ATP10A: variants seen among roughly 807,000 people sequenced by gnomAD.
The protein encoded by ATP10A is phospholipid-transporting ATPase VA.
In ATP10A, 111 loss-of-function variants were observed where a neutral mutation model predicts 147.8. That is an observed-to-expected ratio of 0.75 (90% confidence interval 0.64 to 0.88). The LOEUF (loss-of-function observed/expected upper bound fraction) is 0.88. ATP10A is among the 40% of genes least tolerant of loss of function. The probability of loss-of-function intolerance (pLI) is 0.00; values close to 1 mark genes in which losing one functional copy is unlikely to be tolerated. For missense variants in ATP10A, 1,927 were observed against 1,959.0 expected (o/e 0.98, Z 0.31); for synonymous variants, 875 against 841.6 (o/e 1.04, Z -0.69).
intron 1 of ATP10A, among the ~76,000 whole-genome samples, chr15:25,843,481 A>G (rs1243261140): frequency 1.3e-5 from 2 of 152,100 alleles, no homozygotes; most frequent in Non-Finnish European, 2.9e-5. Context: ...TTCCCAAACC[A>G]GAGCCCAGAC....
chr15:25,745,811 C>T (rs1179487826), intron 2 of ATP10A, among the ~76,000 whole-genome samples: 1 of 152,110 alleles, frequency 6.6e-6, no homozygotes, highest in Non-Finnish European at 1.5e-5. Context: ...GAATACAAAT[C>T]AATTAATGTT....
chr15:25,727,272 G>A lies in ATP10A; in HGVS notation c.741-6C>T. ...TTTTCCCGTTGTCATGTATGCTGTA[G>A]AGGGACAGTTGGCACATGTCACGTG... On this transcript the variant is annotated splice_region_variant and splice_polypyrimidine_tract_variant and intron_variant, in intron 3 of 20. Transcript: ENST00000555815. 6.2e-7 allele frequency: 1 copy of A among 1,610,810 alleles called. No homozygotes were observed. Among genetic ancestry groups the A allele is most frequent in the Non-Finnish European group, 8.5e-7 (1 of 1,177,046 alleles).
At position 25,805,023 on chromosome 15, in the gene ATP10A, G is replaced by A. The variant is rs375885481; in HGVS notation, c.450-23800C>T. On this transcript the variant is annotated intron_variant, in intron 1 of 20. Coordinates refer to ENST00000555815, the MANE Select transcript of ATP10A (RefSeq NM_024490.4). ...AAGGAAAAATTCTTTTGAAATAAAA[G>A]GCGCATTGCCAGAATGGGACCTGTG... Among the ~76,000 whole-genome samples, 13 of 152,222 alleles carry A rather than the reference G, an allele frequency of 8.5e-5. No homozygotes were observed. In the East Asian group the frequency reaches 1.7e-3, roughly 20 times the overall value.
At chr15:25,808,142 C>T (rs1891278668) in intron 1 of ATP10A, among the ~76,000 whole-genome samples, 1 of 152,218 alleles carries the variant, frequency 6.6e-6, no homozygotes, top group Non-Finnish European at 1.5e-5. Flanking sequence ...ACAGCATTGC[C>T]ATGAATCTTC....
At chr15:25,817,096 T>C (rs1254468695) in intron 1 of ATP10A, among the ~76,000 whole-genome samples, 1 of 152,134 alleles carries the variant, frequency 6.6e-6, no homozygotes, top group Non-Finnish European at 1.5e-5. Flanking sequence ...TTTTGTTTTT[T>C]TCTTGAGACA....
intron 1 of ATP10A, among the ~76,000 whole-genome samples, chr15:25,836,008 T>C (rs931534460): frequency 2.6e-5 from 4 of 152,158 alleles, no homozygotes; most frequent in Non-Finnish European, 4.4e-5. Flanking sequence ...AGAGATGGGG[T>C]TTCACCGTGT....
intron 1 of ATP10A, among the ~76,000 whole-genome samples, chr15:25,843,933 C>T (rs1448301256): frequency 1.3e-5 from 2 of 152,128 alleles, no homozygotes; most frequent in East Asian, 1.9e-4. Flanking sequence ...CATGGTCTCG[C>T]GGAGCTGTTT....
At chr15:25,677,243 C>G (rs1899156304), downstream of ATP10A, 1 of 152,096 alleles carries the variant, frequency 6.6e-6, no homozygotes, top group Non-Finnish European at 1.5e-5. Context: ...AAGTTCGCCC[C>G]CATATTATGT....
chr15:25,705,607 G>A (rs937197767), intron 12 of ATP10A, among the ~76,000 whole-genome samples: 3 of 152,160 alleles, frequency 2.0e-5, no homozygotes, highest in Non-Finnish European at 4.4e-5. Flanking sequence ...GTGGTGGGTG[G>A]CTCCCATACT....
chr15:25,783,954 T>C (rs1241085264), intron 1 of ATP10A, among the ~76,000 whole-genome samples: 1 of 152,126 alleles, frequency 6.6e-6, no homozygotes, highest in African/African-American at 2.4e-5. Flanking sequence ...GTGGCCCCCA[T>C]CCCCAGGCCG....
chr15:25,816,586 T>A (rs1373565), intron 1 of ATP10A, among the ~76,000 whole-genome samples: 145,876 of 152,262 alleles, frequency 0.96, 70,212 homozygotes, highest in East Asian at 1. Context: ...CTGCCATTCC[T>A]TTCATACCTC....
At position 25,790,559 on chromosome 15, in the gene ATP10A, CA is replaced by C. The variant is rs1890366405; in HGVS notation, c.450-9337del. Among the ~76,000 whole-genome samples, 3 of 152,220 alleles carry C rather than the reference CA, an allele frequency of 2.0e-5. No individual in the cohort carries two copies. The South Asian group carries it at 6.2e-4, about 31-fold the overall frequency. On this transcript the variant is annotated intron_variant, in intron 1 of 20. Transcript: ENST00000555815. ...GAGTCTCTCAGCCCAGAGAAAGTGA[CA>C]CACCATGCTATGCTCACATCACATA...
At chr15:25,815,728 C>A (rs1249826891) in intron 1 of ATP10A, among the ~76,000 whole-genome samples, 1 of 129,346 alleles carries the variant, frequency 7.7e-6, no homozygotes, top group Non-Finnish European at 1.7e-5. Context: ...GCTTTTTCCA[C>A]GAAAATAAAA....
At position 25,862,671 on chromosome 15, in the gene ATP10A, G is replaced by A. The variant is rs779585158; in HGVS notation, c.426C>T (p.His142=). 1.9e-6 allele frequency: 3 copies of A among 1,597,052 alleles called. No homozygotes were observed. In the South Asian group the frequency reaches 3.4e-5, roughly 18 times the overall value. ...ACCTGCTGAAGACCAGGCAGCCCAGGTGGTTGATCTTGTGGTCGGAGCGGT... is the reference window on the plus strand; with the variant it reads ...ACCTGCTGAAGACCAGGCAGCCCAGATGGTTGATCTTGTGGTCGGAGCGGT... The part of the protein sequence containing the change: ...SRHRSDHKIN[H]LGCLVFSREE... Residue 142 remains histidine, a synonymous_variant, in exon 1 of 21, where the codon CAC becomes CAT. Coordinates refer to ENST00000555815, the MANE Select transcript of ATP10A (RefSeq NM_024490.4).
intron 1 of ATP10A, among the ~76,000 whole-genome samples, chr15:25,858,197 G>C (rs1272969738): frequency 6.6e-6 from 1 of 152,208 alleles, no homozygotes; most frequent in African/African-American, 2.4e-5. Flanking sequence ...TGTCAACCCT[G>C]CTTAAGAAGA....
chr15:25,735,261 C>A (rs1042354032), intron 3 of ATP10A, among the ~76,000 whole-genome samples: 4 of 152,170 alleles, frequency 2.6e-5, no homozygotes, highest in African/African-American at 9.7e-5. Context: ...GAAGACCATC[C>A]CCAAGGGCCC....
chr15:25,748,051 C>T (rs1355617765), intron 2 of ATP10A, among the ~76,000 whole-genome samples: 3 of 152,086 alleles, frequency 2.0e-5, no homozygotes, highest in African/African-American at 4.8e-5. Flanking sequence ...CAAGCTCTGC[C>T]TCCCGGGTTC....
rs1196063733 is a variant in ATP10A, at chr15:25,764,215, C to T, written c.654+16804G>A. On this transcript the variant is annotated intron_variant, in intron 2 of 20. Transcript: ENST00000555815. ...ATTCCACTGACCCGACAAAGACTTA[C>T]GAAAATGAGGAATCCTGGGCAAAGA... 2.6e-5 allele frequency among the ~76,000 whole-genome samples: 4 copies of T among 152,208 alleles called. No homozygotes were observed. In the East Asian group the frequency reaches 5.8e-4, roughly 22 times the overall value.
Position 25,862,943 on chromosome 15 carries a change from G to A in ATP10A, c.154C>T (p.Arg52Trp), listed in dbSNP as rs752171160. ...AGAAKGERRR[R>W]RGCAQHLADN... ...GCCAGGTGCTGGGCACACCCGCGCC[G>A]CCGTCGCCGCTCGCCCTTGGCCGCG... The change falls in exon 1 of 21, where the codon CGG becomes TGG. Residue 52 changes from arginine (R) to tryptophan (W), a missense_variant. Transcript: ENST00000555815. 68 of 1,572,810 alleles carry A rather than the reference G, an allele frequency of 4.3e-5. No homozygotes were observed. In the East Asian group the frequency reaches 6.1e-4, roughly 14 times the overall value.
Sources: gnomAD v4.1 joint callset for allele counts (sites outside exome capture counted in the v4.1 genomes callset) on GRCh38, gnomAD v4.1.1 for gene constraint, MANE v1.5 for transcripts, NCBI Gene and HGNC (gene_info 2026-07-23, HGNC 2026-07-21) for gene names.